Variants in VSTM2L observed in about 807,000 individuals in gnomAD.
VSTM2L encodes the protein V-set and transmembrane domain containing 2 like.
A neutral mutation model predicts 19.9 loss-of-function variants in VSTM2L; 9 were observed. That is an observed-to-expected ratio of 0.45 (90% confidence interval 0.27 to 0.79). The LOEUF is 0.79. Ranked by LOEUF, VSTM2L falls within the 30% of genes least tolerant of loss-of-function variation. VSTM2L has a pLI of 0.15. For missense variants in VSTM2L, 286 were observed against 295.5 expected, an observed-to-expected ratio of 0.97 and a Z score of 0.24; for synonymous variants, 127 against 133.8, an observed-to-expected ratio of 0.95 and a Z score of 0.35.
At chr20:37,928,821 G>A (rs577536608) in intron 1 of VSTM2L, among the ~76,000 whole-genome samples, 36 of 152,282 alleles carry the variant, frequency 2.4e-4, no homozygotes, top group South Asian at 2.1e-4. Context: ...TGGGAGGGAA[G>A]GCTGACAATA....
rs2073001273 is a variant in VSTM2L, at chr20:37,945,112, CT to C, written c.*860del. 1.0e-6 allele frequency: 1 copy of C among 985,836 alleles called. No homozygotes were observed. Among genetic ancestry groups the C allele is most frequent in the African/African-American group, 1.7e-5 (1 of 57,352 alleles). 61.1% of individuals were successfully genotyped at this position (985,836 alleles called of 1,614,324 possible). On this transcript the variant is annotated 3_prime_UTR_variant, in exon 4 of 4. Transcript: ENST00000373461. The stretch of plus-strand genomic sequence containing the variant: ...GGGGCTGTTGGGAGCCAAGGGCCCC[CT>C]GGTACTCAGTTCCCTCACGATTCCC...
In VSTM2L at chr20:37,945,303, T is replaced by C. The variant is rs572905663; in HGVS notation, c.*1050T>C. 5.6e-4 allele frequency: 547 copies of C among 984,194 alleles called. No individual in the cohort carries two copies. The highest frequency in any genetic ancestry group is 6.5e-4 in the Non-Finnish European group (536 of 828,874). The allele number at this position is 984,194 out of a possible 1,614,324, so 61.0% of individuals were successfully genotyped here. A position where few individuals can be genotyped will look rare whatever the true frequency, so the allele number is the denominator to read the frequency against. On this transcript the variant is annotated 3_prime_UTR_variant, in exon 4 of 4. Coordinates refer to ENST00000373461, the MANE Select transcript of VSTM2L (RefSeq NM_080607.3). ...GGGGTGGGTTGCCCTGTATACATGA[T>C]CCAGTCTGTGACTACCAGCCAACCT...
intron 1 of VSTM2L, among the ~76,000 whole-genome samples, chr20:37,920,171 T>G (rs369817975): frequency 6.6e-6 from 1 of 152,204 alleles, no homozygotes. Flanking sequence ...GTGTTTGAAT[T>G]CTAGAGTCCC....
At chr20:37,941,648 C>T (rs1466290268) in intron 3 of VSTM2L, among the ~76,000 whole-genome samples, 1 of 152,166 alleles carries the variant, frequency 6.6e-6, no homozygotes. Flanking sequence ...TTGGCAGGAA[C>T]AGGCCAGCTC....
chr20:37,926,364 G>A (rs542295690), intron 1 of VSTM2L, among the ~76,000 whole-genome samples: 13 of 152,130 alleles, frequency 8.5e-5, no homozygotes, highest in Admixed American at 1.3e-4. Context: ...GCCCTGCCGC[G>A]GGACTGAGCC....
At chr20:37,930,600 A>G (rs1379263689) in intron 1 of VSTM2L, among the ~76,000 whole-genome samples, 1 of 152,116 alleles carries the variant, frequency 6.6e-6, no homozygotes, top group Non-Finnish European at 1.5e-5. Context: ...GGGAGACAGA[A>G]CATATGGTGG....
chr20:37,933,628 G>A (rs773558686), intron 3 of VSTM2L, 39 bp downstream of exon 3: 1 of 1,610,454 alleles, frequency 6.2e-7, no homozygotes, highest in South Asian at 1.1e-5. Context: ...GGCTCTAATG[G>A]AGGGCACAGC....
intron 1 of VSTM2L, among the ~76,000 whole-genome samples, chr20:37,911,027 C>G (rs1223288211): frequency 6.6e-6 from 1 of 151,458 alleles, no homozygotes; most frequent in Non-Finnish European, 1.5e-5. Flanking sequence ...AATCCCAGCA[C>G]TTTGGGAGGC....
chr20:37,943,657 T>G (rs780221679), intron 3 of VSTM2L, among the ~76,000 whole-genome samples: 10 of 152,108 alleles, frequency 6.6e-5, no homozygotes, highest in Non-Finnish European at 1.5e-4. Flanking sequence ...TGGCATCCCC[T>G]GGGGGTGGGC....
At position 37,945,280 on chromosome 20, in the gene VSTM2L, G is replaced by A. The variant is rs1247150008; in HGVS notation, c.*1027G>A. 2.0e-6 allele frequency: 2 copies of A among 985,300 alleles called. No homozygotes were observed. Among genetic ancestry groups the A allele is most frequent in the South Asian group, 4.7e-5 (1 of 21,294 alleles). The allele number at this position is 985,300 out of a possible 1,614,324, so 61.0% of individuals were successfully genotyped here. On this transcript the variant is annotated 3_prime_UTR_variant, in exon 4 of 4. Transcript: ENST00000373461. The stretch of plus-strand genomic sequence containing the variant: ...GGAGAGGCCGAGGGCTTTGCCTAGG[G>A]GTGGGTTGCCCTGTATACATGATCC...
At chr20:37,907,829 G>A (rs1203746546) in intron 1 of VSTM2L, among the ~76,000 whole-genome samples, 1 of 152,174 alleles carries the variant, frequency 6.6e-6, no homozygotes, top group Non-Finnish European at 1.5e-5. Flanking sequence ...GCAGGGTGCT[G>A]GGGGAGGGAG....
intron 1 of VSTM2L, among the ~76,000 whole-genome samples, chr20:37,906,751 C>T (rs368265304): frequency 2.1e-4 from 32 of 152,328 alleles, no homozygotes; most frequent in African/African-American, 6.0e-4. Context: ...TTCTTGTAGC[C>T]GTAACCCAAG....
intron 1 of VSTM2L, among the ~76,000 whole-genome samples, chr20:37,914,457 ATTGTG>A: frequency 7.9e-6 from 1 of 126,028 alleles, no homozygotes. Flanking sequence ...GTGTGTGTGT[ATTGTG>A]TGTATGTGTG....
At chr20:37,904,742 T>C (rs773105354) in intron 1 of VSTM2L, among the ~76,000 whole-genome samples, 1 of 151,822 alleles carries the variant, frequency 6.6e-6, no homozygotes, top group Non-Finnish European at 1.5e-5. Context: ...TAAGGCAGGG[T>C]AGATAATCAG....
chr20:37,924,923 G>A (rs2072871897), intron 1 of VSTM2L, among the ~76,000 whole-genome samples: 1 of 152,114 alleles, frequency 6.6e-6, no homozygotes, highest in African/African-American at 2.4e-5. Flanking sequence ...TCCTGGTAGG[G>A]GCTGGCAGAC....
At chr20:37,943,689 G>A (rs899223644) in intron 3 of VSTM2L, among the ~76,000 whole-genome samples, 3 of 152,040 alleles carry the variant, frequency 2.0e-5, no homozygotes, top group African/African-American at 7.2e-5. Context: ...CTTTCCCTCT[G>A]CTGTTTGCCA....
chr20:37,923,193 T>C (rs974520359), intron 1 of VSTM2L, among the ~76,000 whole-genome samples: 1 of 152,086 alleles, frequency 6.6e-6, no homozygotes, highest in Non-Finnish European at 1.5e-5. Flanking sequence ...GAAATAGAGT[T>C]TGAACCCAGG....
intron 1 of VSTM2L, among the ~76,000 whole-genome samples, chr20:37,908,213 G>A (rs56886404): frequency 0.095 from 14,496 of 152,196 alleles, 848 homozygotes; most frequent in African/African-American, 0.15. Flanking sequence ...AGCCGCAGGC[G>A]GCCAGCAGGA....
At position 37,923,027 on chromosome 20, in the gene VSTM2L, T is replaced by A. The variant is rs76958049; in HGVS notation, c.122-8608T>A. Among the ~76,000 whole-genome samples the A allele has an allele frequency of 4.7e-4, 71 of 152,256 alleles. 1 individual carries two copies. The East Asian group carries it at 0.013, about 28-fold the overall frequency. On this transcript the variant is annotated intron_variant, in intron 1 of 3. Coordinates refer to ENST00000373461, the MANE Select transcript of VSTM2L (RefSeq NM_080607.3). ...AGGAGGTGAGAGAAAGGAGTGCTGT[T>A]TATTGAGCACCTACTATGTGCCGTG... is the stretch of plus-strand genomic sequence containing the variant.
Sources: gnomAD v4.1 joint callset for allele counts (sites outside exome capture counted in the v4.1 genomes callset) on GRCh38, gnomAD v4.1.1 for gene constraint, MANE v1.5 for transcripts, NCBI Gene and HGNC (gene_info 2026-07-23, HGNC 2026-07-21) for gene names.